RALGAPB: variants seen among roughly 807,000 people sequenced by gnomAD.
RALGAPB encodes the protein Ral GTPase activating protein non-catalytic subunit beta.
In RALGAPB, 25 loss-of-function variants were observed where a neutral mutation model predicts 161.1. The observed-to-expected ratio is 0.16, with a 90% CI of 0.11 to 0.22. The LOEUF (loss-of-function observed/expected upper bound fraction) is 0.22. Among genes scored for constraint, RALGAPB ranks in the 10% least tolerant of loss-of-function variants. The probability of loss-of-function intolerance (pLI) is 1.00; values close to 1 mark genes in which losing one functional copy is unlikely to be tolerated. For synonymous variants in RALGAPB, 629 were observed against 626.1 expected (o/e 1.00, Z -0.07); for missense variants, 1,391 against 1,815.2 (o/e 0.77, Z 4.25).
At chr20:38,549,380 A>G (rs1011467347) in intron 20 of RALGAPB, among the ~76,000 whole-genome samples, 1 of 151,764 alleles carries the variant, frequency 6.6e-6, no homozygotes, top group Non-Finnish European at 1.5e-5. Flanking sequence ...GGCACATGCC[A>G]TGGCACCCAG....
intron 1 of RALGAPB, among the ~76,000 whole-genome samples, chr20:38,481,321 C>T (rs1250572946): frequency 6.6e-6 from 1 of 152,164 alleles, no homozygotes; most frequent in South Asian, 2.1e-4. Context: ...TTTCATGCTG[C>T]TGATAAAGAC....
At chr20:38,510,115 AAC>A (rs1463786472) in intron 6 of RALGAPB, among the ~76,000 whole-genome samples, 3 of 139,524 alleles carry the variant, frequency 2.2e-5, no homozygotes, top group South Asian at 2.3e-4. Context: ...TATGTATATA[AAC>A]ACACACACGC....
intron 19 of RALGAPB, 90 bp from the exon 20 acceptor site, chr20:38,548,599 T>C: frequency 1.9e-6 from 2 of 1,032,770 alleles, no homozygotes; most frequent in East Asian, 2.6e-5. Flanking sequence ...GTTGGGCCTT[T>C]GATTATGAGA....
intron 1 of RALGAPB, among the ~76,000 whole-genome samples, chr20:38,484,346 A>G (rs2085058824): frequency 6.6e-6 from 1 of 152,174 alleles, no homozygotes; most frequent in South Asian, 2.1e-4. Flanking sequence ...TTATAAGCCC[A>G]GCCCCAGCAA....
rs1208994727 is a variant in RALGAPB, at chr20:38,570,961, CAAAA to C, written c.4142+117_4142+120del. 4 of 652,326 alleles carry C rather than the reference CAAAA, an allele frequency of 6.1e-6. 1 individual carries two copies. The highest frequency in any genetic ancestry group is 1.9e-5 in the African/African-American group (1 of 53,634). 40.4% of individuals were successfully genotyped at this position (652,326 alleles called of 1,614,324 possible). On this transcript the variant is annotated intron_variant, in intron 28 of 29. Coordinates refer to ENST00000262879, the MANE Select transcript of RALGAPB (RefSeq NM_020336.4). ...AGTTGTAGACAACTAGAAATAAAAA[CAAAA>C]AAGATCAAAGAAAGAAGTTTGTATA... is the stretch of plus-strand genomic sequence containing the variant.
intron 2 of RALGAPB, among the ~76,000 whole-genome samples, chr20:38,492,295 A>G (rs2085302061): frequency 1.3e-5 from 2 of 152,218 alleles, no homozygotes; most frequent in Non-Finnish European, 2.9e-5. Context: ...AAGTTCTCTC[A>G]GTCCTTAGGA....
chr20:38,525,108 T>C (rs530089643), intron 11 of RALGAPB, among the ~76,000 whole-genome samples, 163 bp downstream of exon 11: 1 of 152,340 alleles, frequency 6.6e-6, no homozygotes, highest in South Asian at 2.1e-4. Flanking sequence ...ACCTCATCCC[T>C]GAAATCCTTC....
Position 38,562,531 on chromosome 20 carries a change from G to A in RALGAPB, c.3532-1G>A. On this transcript the variant is annotated splice_acceptor_variant, in intron 23 of 29. Coordinates refer to ENST00000262879, the MANE Select transcript of RALGAPB (RefSeq NM_020336.4). LOFTEE classifies it high-confidence loss of function. ...TAGCTGATGATTGGTATGTATTTCA[G>A]ATTTTAAAGAATGTGGAGTCTTCCA... 1 of 1,593,386 alleles carries A rather than the reference G, an allele frequency of 6.3e-7. No individual in the cohort carries two copies. Among genetic ancestry groups the A allele is most frequent in the Non-Finnish European group, 8.6e-7 (1 of 1,169,412 alleles).
rs1447211992 is a variant in RALGAPB, at chr20:38,562,660, T to A, written c.3660T>A (p.Ser1220=). 6.2e-7 allele frequency: 1 copy of A among 1,613,286 alleles called. No homozygotes were observed. Among genetic ancestry groups the A allele is most frequent in the East Asian group, 2.2e-5 (1 of 44,886 alleles). ...CTGGGCATGTTTCTACCAGTTGGTC[T>A]ATTAATTGTTGTGATGATGGTGAAG... ...GWTGHVSTSW[S]INCCDDGEGS... The change falls in exon 24 of 30, where the codon TCT becomes TCA. Residue 1220 remains serine, a synonymous_variant. Coordinates refer to ENST00000262879, the MANE Select transcript of RALGAPB (RefSeq NM_020336.4).
chr20:38,554,148 T>G, intron 22 of RALGAPB, 72 bp downstream of exon 22: 1 of 1,363,100 alleles, frequency 7.3e-7, no homozygotes, highest in Non-Finnish European at 1.0e-6. Flanking sequence ...CTAAAATATT[T>G]TTATCAGGAT....
intron 1 of RALGAPB, among the ~76,000 whole-genome samples, chr20:38,478,885 G>A (rs2122815125): frequency 6.6e-6 from 1 of 152,236 alleles, no homozygotes; most frequent in Admixed American, 6.5e-5. Context: ...CAAAGTCCTG[G>A]GATTACAGGC....
In RALGAPB at chr20:38,517,974, G is replaced by C; in HGVS notation, c.1391G>C (p.Gly464Ala). Reference sequence around the variant, plus strand: ...TTTGTTCACTGTAAACTTCATAATGGGATAAACAGAGACAGCAGCATGACT... The same window carrying C: ...TTTGTTCACTGTAAACTTCATAATGCGATAAACAGAGACAGCAGCATGACT... ...AAFVHCKLHNGINRDSSMTAI... is the reference protein window; with the variant it reads ...AAFVHCKLHNAINRDSSMTAI... The change falls in exon 9 of 30, where the codon GGG (glycine) becomes GCG (alanine). Residue 464 changes from glycine (G) to alanine (A), a missense_variant. This residue lies in a region of RALGAPB where 946 missense variants were observed against 1,257.2 expected (regional missense o/e 0.75). Transcript: ENST00000262879. 6.2e-7 allele frequency: 1 copy of C among 1,610,874 alleles called. No homozygotes were observed. The highest frequency in any genetic ancestry group is 8.5e-7 in the Non-Finnish European group (1 of 1,177,122).
At chr20:38,534,987 C>A in intron 15 of RALGAPB, 87 bp from the exon 16 acceptor site, 1 of 1,471,976 alleles carries the variant, frequency 6.8e-7, no homozygotes, top group South Asian at 1.2e-5. Flanking sequence ...CTGCTGTGGT[C>A]TGTGCCTAGT....
At chr20:38,572,103 T>TA (rs747669604) in intron 28 of RALGAPB, among the ~76,000 whole-genome samples, 1 of 152,190 alleles carries the variant, frequency 6.6e-6, no homozygotes, top group Non-Finnish European at 1.5e-5. Flanking sequence ...TAGATTGAAA[T>TA]AATGGAGTTA....
At position 38,558,353 on chromosome 20, in the gene RALGAPB, G is replaced by C. The variant is rs1388518390; in HGVS notation, c.3431G>C (p.Gly1144Ala). The C allele has an allele frequency of 1.2e-6, 2 of 1,607,120 alleles. No homozygotes were observed. The highest frequency in any genetic ancestry group is 8.5e-7 in the Non-Finnish European group (1 of 1,175,966). ...ATTGCACTTGATTCCACGATACCTG[G>C]ATTTTTTGATGACATTGGGTATCTG... ...HLIALDSTIP[G>A]FFDDIGYLDL... Residue 1144 changes from glycine (G) to alanine (A), a missense_variant, in exon 23 of 30, where the codon GGA becomes GCA. By Grantham distance (60) the Gly-to-Ala change is moderately conservative. Around this residue, in one of 3 missense-constraint regions of RALGAPB, gnomAD observed 436 missense variants for 527.0 expected, o/e 0.83. Transcript: ENST00000262879.
chr20:38,480,192 G>A (rs1361316845), intron 1 of RALGAPB, among the ~76,000 whole-genome samples: 1 of 151,724 alleles, frequency 6.6e-6, no homozygotes, highest in Non-Finnish European at 1.5e-5. Context: ...CAGTTTTACT[G>A]AATTAATTAC....
Position 38,569,930 on chromosome 20 carries a change from C to G in RALGAPB, c.3997C>G (p.Pro1333Ala). Residue 1333 changes from proline (P) to alanine (A), a missense_variant, in exon 27 of 30, where the codon CCT becomes GCT. Physicochemically the swap from Pro to Ala is conservative, Grantham distance 27. Transcript: ENST00000262879. ...SRMRKLPQGR[P>A]VPPLGPETRV... Reference sequence around the variant, plus strand: ...AATGAGGAAGCTGCCTCAGGGTCGCCCTGTTCCTCCCCTTGGACCTGAGAC... The same window carrying G: ...AATGAGGAAGCTGCCTCAGGGTCGCGCTGTTCCTCCCCTTGGACCTGAGAC... 4.3e-6 allele frequency: 7 copies of G among 1,613,598 alleles called. No individual in the cohort carries two copies. Among genetic ancestry groups the G allele is most frequent in the Non-Finnish European group, 5.9e-6 (7 of 1,179,706 alleles).
At chr20:38,563,358 T>C (rs1036670518) in intron 24 of RALGAPB, among the ~76,000 whole-genome samples, 1 of 152,232 alleles carries the variant, frequency 6.6e-6, no homozygotes, top group Non-Finnish European at 1.5e-5. Flanking sequence ...TAGTTTTCTA[T>C]TAACCAGTGT....
chr20:38,539,611 C>T lies in RALGAPB; in HGVS notation c.2380-165C>T, dbSNP rs78533788. Among the ~76,000 whole-genome samples, 1,205 of 152,218 alleles carry T rather than the reference C, an allele frequency of 7.9e-3. 31 individuals carry two copies. In the East Asian group the frequency reaches 0.11, roughly 13 times the overall value. On this transcript the variant is annotated intron_variant, in intron 16 of 29. Transcript: ENST00000262879. ...TGCCACTATTTTTTGTGGAGTATTA[C>T]AATACATCTGAAATAATCTGTTCCT...
Sources: gnomAD v4.1 joint callset for allele counts (sites outside exome capture counted in the v4.1 genomes callset) on GRCh38, gnomAD v4.1.1 for gene constraint, gnomAD v4.1.1 regional missense constraint, MANE v1.5 for transcripts, NCBI Gene and HGNC (gene_info 2026-07-23, HGNC 2026-07-21) for gene names.